TUSC3: variants seen among roughly 807,000 people sequenced by gnomAD.
TUSC3 encodes the protein dolichyl-diphosphooligosaccharide--protein glycosyltransferase subunit TUSC3.
TUSC3 carries 45 observed loss-of-function variants against 44.8 expected under a neutral mutation model. The observed-to-expected ratio is 1.00, with a 90% CI of 0.79 to 1.29. The LOEUF (loss-of-function observed/expected upper bound fraction) is 1.29. Ranked by LOEUF, TUSC3 falls within the 50% of genes most tolerant of loss-of-function variation. The pLI is 0.00. For synonymous variants in TUSC3, 212 were observed against 152.9 expected, an observed-to-expected ratio of 1.39 and a Z score of -2.85; for missense variants, 519 against 437.9, an observed-to-expected ratio of 1.19 and a Z score of -1.65.
chr8:15,460,385 TG>T (rs1429966021), intron 1 of TUSC3, among the ~76,000 whole-genome samples: 1 of 152,096 alleles, frequency 6.6e-6, no homozygotes, highest in African/African-American at 2.4e-5. Context: ...TCTATGGGAT[TG>T]CTTGTTTTTT....
intron 6 of TUSC3, among the ~76,000 whole-genome samples, chr8:15,679,305 G>A (rs1409886900): frequency 6.6e-6 from 1 of 151,950 alleles, no homozygotes; most frequent in Non-Finnish European, 1.5e-5. Flanking sequence ...GTTCTGACTT[G>A]TGGGAAATGG....
At chr8:15,507,396 C>A (rs1801071136) in intron 2 of TUSC3, among the ~76,000 whole-genome samples, 1 of 152,088 alleles carries the variant, frequency 6.6e-6, no homozygotes, top group African/African-American at 2.4e-5. Flanking sequence ...TTATCAAAAT[C>A]CTCTTAATAA....
chr8:15,469,337 A>G (rs1415038043), intron 1 of TUSC3, among the ~76,000 whole-genome samples: 1 of 152,218 alleles, frequency 6.6e-6, no homozygotes, highest in Non-Finnish European at 1.5e-5. Context: ...TCCATTAAAA[A>G]TGGGCCGAAG....
downstream of TUSC3, among the ~76,000 whole-genome samples, chr8:15,769,678 C>T (rs962539861): frequency 7.9e-5 from 12 of 152,094 alleles, no homozygotes; most frequent in Non-Finnish European, 1.6e-4. Flanking sequence ...GCAATCTATC[C>T]ATCTGACAAA....
intron 1 of TUSC3, among the ~76,000 whole-genome samples, chr8:15,543,577 A>G (rs1186485098): frequency 6.6e-6 from 1 of 152,122 alleles, no homozygotes; most frequent in African/African-American, 2.4e-5. Flanking sequence ...AACATGTAAA[A>G]TATATAACTA....
At chr8:15,434,532 T>G (rs1393530233) in intron 1 of TUSC3, among the ~76,000 whole-genome samples, 1 of 16,670 alleles carries the variant, frequency 6.0e-5, no homozygotes, top group Non-Finnish European at 3.0e-4. Context: ...AGCCATTCCT[T>G]TTTTTTTTTT....
the TUSC3 span, among the ~76,000 whole-genome samples, chr8:15,801,096 A>C: frequency 6.6e-6 from 1 of 152,164 alleles, no homozygotes. Context: ...TAAGAAAGTA[A>C]AAGAATAAAA....
At chr8:15,472,532 A>G (rs918433571) in intron 1 of TUSC3, among the ~76,000 whole-genome samples, 3 of 152,174 alleles carry the variant, frequency 2.0e-5, no homozygotes, top group Admixed American at 6.6e-5. Flanking sequence ...CTCTCTGGTC[A>G]CCTCAATTTC....
chr8:15,453,745 A>G (rs762034053), intron 1 of TUSC3, among the ~76,000 whole-genome samples: 37 of 152,178 alleles, frequency 2.4e-4, no homozygotes, highest in Admixed American at 9.2e-4. Flanking sequence ...AGGTAGTCAG[A>G]CAGAGCAGGG....
At chr8:15,813,397 A>C in the TUSC3 span, among the ~76,000 whole-genome samples, 9 of 151,566 alleles carry the variant, frequency 5.9e-5, no homozygotes, top group African/African-American at 2.2e-4. Flanking sequence ...AACAAAAAAA[A>C]AAACAGGCAC....
intron 1 of TUSC3, among the ~76,000 whole-genome samples, chr8:15,543,011 A>G (rs1007779426): frequency 3.9e-5 from 6 of 152,206 alleles, no homozygotes; most frequent in Admixed American, 1.3e-4. Context: ...CGTATCTGGT[A>G]CTCACTAAGT....
At chr8:15,582,259 C>A (rs113375080) in intron 1 of TUSC3, among the ~76,000 whole-genome samples, 48 of 152,302 alleles carry the variant, frequency 3.2e-4, no homozygotes, top group African/African-American at 1.1e-3. Context: ...ATGCAGAAAT[C>A]ACCCGTCTTC....
chr8:15,692,026 C>T (rs1448432234), intron 6 of TUSC3, among the ~76,000 whole-genome samples: 2 of 152,094 alleles, frequency 1.3e-5, no homozygotes, highest in Non-Finnish European at 2.9e-5. Flanking sequence ...AGTGATCCAC[C>T]CACCACGGCT....
At chr8:15,605,492 A>T (rs528188277) in intron 1 of TUSC3, among the ~76,000 whole-genome samples, 61 of 151,990 alleles carry the variant, frequency 4.0e-4, no homozygotes, top group Non-Finnish European at 7.4e-4. Flanking sequence ...CATGGGTATG[A>T]ATTGCGTGGG....
At chr8:15,440,392 T>G (rs1800005761) in intron 1 of TUSC3, among the ~76,000 whole-genome samples, 1 of 152,102 alleles carries the variant, frequency 6.6e-6, no homozygotes, top group Non-Finnish European at 1.5e-5. Flanking sequence ...GACAGTGTCT[T>G]GAGGATCTAT....
chr8:15,710,517 A>G (rs1044842998), intron 6 of TUSC3, among the ~76,000 whole-genome samples: 8 of 143,130 alleles, frequency 5.6e-5, no homozygotes, highest in African/African-American at 2.1e-4. Flanking sequence ...ATGGGCCACA[A>G]ATTCCTATGG....
intron 9 of TUSC3, among the ~76,000 whole-genome samples, chr8:15,751,320 C>T (rs529851379): frequency 1.3e-5 from 2 of 152,130 alleles, no homozygotes; most frequent in Non-Finnish European, 2.9e-5. Context: ...GTAGGTCATT[C>T]AACAACAGAA....
At chr8:15,643,807 GTTGT>G (rs1806494029) in intron 2 of TUSC3, among the ~76,000 whole-genome samples, 1 of 152,154 alleles carries the variant, frequency 6.6e-6, no homozygotes, top group Non-Finnish European at 1.5e-5. Flanking sequence ...TGTGCAGGGT[GTTGT>G]TTATCAGTTG....
intron 1 of TUSC3, among the ~76,000 whole-genome samples, chr8:15,595,700 G>T (rs539839678): frequency 8.5e-5 from 13 of 152,252 alleles, no homozygotes; most frequent in African/African-American, 3.1e-4. Context: ...AGAAATGGGA[G>T]GAAGTCATTT....
Sources: allele counts gnomAD v4.1 joint callset (sites outside exome capture counted in the v4.1 genomes callset), GRCh38; gene constraint gnomAD v4.1.1; transcripts MANE v1.5; gene names NCBI Gene and HGNC (gene_info 2026-07-23, HGNC 2026-07-21).